ARSB: variants seen among roughly 807,000 people sequenced by gnomAD.
ARSB encodes the protein arylsulfatase B, also known as N-acetylgalactosamine-4-sulfatase.
A neutral mutation model predicts 50.9 loss-of-function variants in ARSB; 41 were observed. That is an observed-to-expected ratio of 0.81 (90% CI 0.63 to 1.04). The LOEUF (loss-of-function observed/expected upper bound fraction) is 1.04, where lower values mean the gene tolerates loss of function less well. Ranked by LOEUF, ARSB falls within the 50% of genes least tolerant of loss-of-function variation. The probability of loss-of-function intolerance (pLI) is 0.00; values close to 1 mark genes in which losing one functional copy is unlikely to be tolerated. For missense variants in ARSB, 672 were observed against 693.3 expected (o/e 0.97, Z 0.35); for synonymous variants, 269 against 284.8 (o/e 0.94, Z 0.56).
intron 5 of ARSB, among the ~76,000 whole-genome samples, chr5:78,854,596 G>C (rs909094445): frequency 1.3e-5 from 2 of 152,092 alleles, no homozygotes; most frequent in Non-Finnish European, 2.9e-5. Context: ...TGAGATCATT[G>C]CAGTTTGGTG....
chr5:78,800,251 G>C lies in ARSB; in HGVS notation c.1214-18277C>G, dbSNP rs144175089. ...GAAGATTGCTTGAACCCAGGAGGCA[G>C]AGGTTGCAGTAAACCAAGATCACAC... On this transcript the variant is annotated intron_variant, in intron 6 of 7. Transcript: ENST00000264914. Among the ~76,000 whole-genome samples the C allele has an allele frequency of 5.5e-3, 838 of 151,606 alleles. 3 individuals carry two copies. The highest frequency in any genetic ancestry group is 9.5e-3 in the Non-Finnish European group (643 of 67,954).
intron 4 of ARSB, among the ~76,000 whole-genome samples, chr5:78,943,181 C>T (rs748165251): frequency 5.3e-5 from 8 of 152,152 alleles, no homozygotes; most frequent in Admixed American, 2.0e-4. Flanking sequence ...TGTCTTTGCA[C>T]GTGAGATGCA....
intron 5 of ARSB, among the ~76,000 whole-genome samples, chr5:78,844,100 T>C (rs919261653): frequency 6.6e-6 from 1 of 152,210 alleles, no homozygotes; most frequent in African/African-American, 2.4e-5. Context: ...ATATGGTAAC[T>C]CTACAACATT....
intron 2 of ARSB, among the ~76,000 whole-genome samples, chr5:78,968,316 TTA>T (rs2112526705): frequency 1.9e-4 from 1 of 5,344 alleles, no homozygotes; most frequent in East Asian, 2.2e-3. Flanking sequence ...ATTTTTTATT[TTA>T]TTATTATTAT....
At chr5:78,785,179 C>T (rs951029803) in intron 6 of ARSB, among the ~76,000 whole-genome samples, 3 of 152,138 alleles carry the variant, frequency 2.0e-5, no homozygotes, top group African/African-American at 7.2e-5. Context: ...ATTTCATTAA[C>T]TTCTTTTATC....
At chr5:78,821,931 G>C (rs1225585612) in intron 6 of ARSB, among the ~76,000 whole-genome samples, 3 of 152,182 alleles carry the variant, frequency 2.0e-5, no homozygotes, top group Non-Finnish European at 4.4e-5. Context: ...AGCTGACTCT[G>C]ACTTGTTTGG....
At chr5:78,812,592 AACACACACAC>A (rs66597603) in intron 6 of ARSB, among the ~76,000 whole-genome samples, 17,029 of 144,346 alleles carry the variant, frequency 0.12, 1,090 homozygotes, top group South Asian at 0.23. Flanking sequence ...ATTCTGTTCA[AACACACACAC>A]ACACACACAC....
chr5:78,922,149 C>A (rs1029716351), intron 4 of ARSB, among the ~76,000 whole-genome samples: 9 of 138,132 alleles, frequency 6.5e-5, no homozygotes, highest in African/African-American at 2.5e-4. Context: ...ACAAGGACTG[C>A]AATTTCTAGG....
At chr5:78,888,817 G>A (rs1291672412) in intron 4 of ARSB, among the ~76,000 whole-genome samples, 2 of 152,230 alleles carry the variant, frequency 1.3e-5, no homozygotes, top group Non-Finnish European at 2.9e-5. Context: ...GGGAGGCCAC[G>A]GATGTAGTAA....
At chr5:78,904,926 G>T (rs1020255813) in intron 4 of ARSB, among the ~76,000 whole-genome samples, 17 of 151,942 alleles carry the variant, frequency 1.1e-4, no homozygotes, top group Admixed American at 6.6e-5. Flanking sequence ...CTAGCCTTAA[G>T]CAATCTGCCC....
chr5:78,904,533 A>AT (rs1329267266), intron 4 of ARSB, among the ~76,000 whole-genome samples: 1 of 151,686 alleles, frequency 6.6e-6, no homozygotes, highest in Non-Finnish European at 1.5e-5. Context: ...TCCTTTATAT[A>AT]TTTTTTCTAC....
intron 6 of ARSB, among the ~76,000 whole-genome samples, chr5:78,789,280 A>G (rs1165330520): frequency 6.6e-6 from 1 of 152,218 alleles, no homozygotes; most frequent in East Asian, 1.9e-4. Context: ...ATTTTCGTAT[A>G]TAGCCTTTGA....
chr5:78,902,816 T>G (rs1433357036), intron 4 of ARSB, among the ~76,000 whole-genome samples: 1 of 152,162 alleles, frequency 6.6e-6, no homozygotes. Context: ...TATGTTTAAT[T>G]TTTAAAATGT....
intron 4 of ARSB, among the ~76,000 whole-genome samples, chr5:78,953,923 G>T (rs774913456): frequency 2.8e-4 from 42 of 152,038 alleles, no homozygotes; most frequent in Non-Finnish European, 4.7e-4. Context: ...ACAGGCTTTG[G>T]GGAAACAAGT....
At chr5:78,929,565 T>C (rs1750217949) in intron 4 of ARSB, among the ~76,000 whole-genome samples, 1 of 151,874 alleles carries the variant, frequency 6.6e-6, no homozygotes, top group Non-Finnish European at 1.5e-5. Context: ...CCGAGACAGG[T>C]GGTTCTCCTG....
chr5:78,967,341 A>G (rs1752249722), intron 2 of ARSB, among the ~76,000 whole-genome samples: 1 of 152,134 alleles, frequency 6.6e-6, no homozygotes, highest in South Asian at 2.1e-4. Flanking sequence ...TGTAACTCTT[A>G]TAGTCTTTTC....
chr5:78,935,988 TTCC>T (rs1173570930), intron 4 of ARSB, among the ~76,000 whole-genome samples: 13 of 45,380 alleles, frequency 2.9e-4, no homozygotes, highest in African/African-American at 5.4e-4. Context: ...TTCCTTTTCT[TTCC>T]TCCTTTCTTT....
At chr5:78,823,499 T>C (rs1744317031) in intron 6 of ARSB, among the ~76,000 whole-genome samples, 1 of 152,198 alleles carries the variant, frequency 6.6e-6, no homozygotes, top group South Asian at 2.1e-4. Context: ...GAGGAAGTAC[T>C]TGAAAGAAGT....
At chr5:78,948,846 G>T (rs1396545874) in intron 4 of ARSB, among the ~76,000 whole-genome samples, 1 of 152,082 alleles carries the variant, frequency 6.6e-6, no homozygotes, top group Non-Finnish European at 1.5e-5. Flanking sequence ...AGTTACCTTA[G>T]CTCAGAGGTT....
Sources: allele counts gnomAD v4.1 joint callset (sites outside exome capture counted in the v4.1 genomes callset), GRCh38; gene constraint gnomAD v4.1.1; transcripts MANE v1.5; gene names NCBI Gene and HGNC (gene_info 2026-07-23, HGNC 2026-07-21).